Variants in PATL1 observed in about 807,000 individuals in gnomAD.
PATL1 encodes PAT1 homolog 1, processing body mRNA decay factor.
PATL1 carries 32 observed loss-of-function variants against 100.6 expected under a neutral mutation model. The observed-to-expected ratio is 0.32, with a 90% CI of 0.24 to 0.43. PATL1 has a LOEUF of 0.43. PATL1 is among the 20% of genes least tolerant of loss of function. The pLI, the probability that PATL1 is intolerant of heterozygous loss-of-function variation, is 1.00. For synonymous variants in PATL1, 332 were observed against 330.0 expected (o/e 1.01, Z -0.07); for missense variants, 747 against 949.9 (o/e 0.79, Z 2.81).
chr11:59,644,958 T>G (rs1861340353), intron 15 of PATL1, among the ~76,000 whole-genome samples: 1 of 144,860 alleles, frequency 6.9e-6, no homozygotes, highest in South Asian at 2.3e-4. Flanking sequence ...CTTAGAGGTG[T>G]TAAGAGTTCA....
chr11:59,646,836 A>G (rs1389774600), intron 15 of PATL1, among the ~76,000 whole-genome samples: 1 of 152,196 alleles, frequency 6.6e-6, no homozygotes, highest in Non-Finnish European at 1.5e-5. Flanking sequence ...AAGGATAAGG[A>G]GAGAAAAACT....
intron 3 of PATL1, 113 bp downstream of exon 3, chr11:59,659,139 T>C: frequency 9.8e-7 from 1 of 1,015,796 alleles, no homozygotes; most frequent in Non-Finnish European, 1.4e-6. Flanking sequence ...TTATCAATTT[T>C]CTATGGTATA....
chr11:59,649,394 G>T, intron 14 of PATL1, 68 bp downstream of exon 14: 1 of 1,548,052 alleles, frequency 6.5e-7, no homozygotes, highest in Non-Finnish European at 8.8e-7. Flanking sequence ...AGGCAAAAAT[G>T]TATGAAATCC....
chr11:59,665,806 T>C (rs915615253), intron 2 of PATL1, among the ~76,000 whole-genome samples: 5 of 151,924 alleles, frequency 3.3e-5, no homozygotes, highest in African/African-American at 1.2e-4. Flanking sequence ...TATGTGTATG[T>C]ATACAGTTTA....
chr11:59,664,170 A>C (rs754356363), intron 2 of PATL1, among the ~76,000 whole-genome samples: 10 of 152,202 alleles, frequency 6.6e-5, no homozygotes, highest in East Asian at 1.9e-4. Context: ...TTAACTTTGT[A>C]CTACCTGTTC....
At chr11:59,640,211 C>T (rs1161990925) in intron 16 of PATL1, among the ~76,000 whole-genome samples, 1 of 151,930 alleles carries the variant, frequency 6.6e-6, no homozygotes, top group African/African-American at 2.4e-5. Flanking sequence ...CACGGTGGCA[C>T]ATGCCTGTAA....
chr11:59,653,082 G>T, intron 9 of PATL1, 64 bp from the exon 10 acceptor site: 2 of 1,328,786 alleles, frequency 1.5e-6, no homozygotes, highest in Non-Finnish European at 2.0e-6. Flanking sequence ...AACAACAGAG[G>T]AATAAACCAG....
chr11:59,649,355 T>C, intron 14 of PATL1, 107 bp downstream of exon 14: 1 of 1,128,330 alleles, frequency 8.9e-7, no homozygotes, highest in Non-Finnish European at 1.2e-6. Context: ...ATTCTGAGCT[T>C]ACAGAGATGG....
chr11:59,667,906 T>C (rs1861713044), intron 1 of PATL1, among the ~76,000 whole-genome samples: 2 of 152,230 alleles, frequency 1.3e-5, no homozygotes, highest in Admixed American at 1.3e-4. Context: ...AAATTCAGAA[T>C]CAGAATTCCA....
chr11:59,644,064 T>C (rs1861327001), intron 15 of PATL1, among the ~76,000 whole-genome samples: 1 of 152,208 alleles, frequency 6.6e-6, no homozygotes, highest in South Asian at 2.1e-4. Context: ...GGGAATAAAA[T>C]ATTTTTTGTG....
At chr11:59,638,449 T>C (rs955680027) in intron 18 of PATL1, 38 bp from the exon 19 acceptor site, 18 of 1,576,052 alleles carry the variant, frequency 1.1e-5, no homozygotes, top group Non-Finnish European at 1.5e-5. Context: ...ATTGTATAAA[T>C]GAGTTAAAAC....
intron 13 of PATL1, among the ~76,000 whole-genome samples, chr11:59,650,193 TAAAG>T (rs1286805054): frequency 1.4e-5 from 2 of 144,070 alleles, no homozygotes; most frequent in African/African-American, 5.2e-5. Context: ...TTTTTACAGA[TAAAG>T]AAACTGAGGA....
intron 16 of PATL1, among the ~76,000 whole-genome samples, chr11:59,641,899 T>G (rs1026306133): frequency 6.6e-6 from 1 of 152,240 alleles, no homozygotes; most frequent in Non-Finnish European, 1.5e-5. Flanking sequence ...CTTCCTCTGA[T>G]ACACTGACCT....
In PATL1 at chr11:59,666,973, AAAG is replaced by A; in HGVS notation, c.16-12_16-10del. On this transcript the variant is annotated splice_polypyrimidine_tract_variant and intron_variant, in intron 1 of 18. Coordinates refer to ENST00000300146, the MANE Select transcript of PATL1 (RefSeq NM_152716.3). ...GGACAATCCTCCAAAGACTAAAAAAAAAGAAAAGACATTAGTTATTCATGAAAT... is the reference window on the plus strand; with the variant it reads ...GGACAATCCTCCAAAGACTAAAAAAAAAAAGACATTAGTTATTCATGAAAT... 1 of 1,537,396 alleles carries A rather than the reference AAAG, an allele frequency of 6.5e-7. No individual in the cohort carries two copies. Among genetic ancestry groups the A allele is most frequent in the South Asian group, 1.2e-5 (1 of 80,546 alleles).
chr11:59,655,440 T>C, intron 8 of PATL1, 83 bp downstream of exon 8: 2 of 1,234,500 alleles, frequency 1.6e-6, no homozygotes. Context: ...AGTTAGCAAA[T>C]ATCAAGAGAC....
chr11:59,642,779 C>G (rs1232880190), intron 16 of PATL1, 101 bp downstream of exon 16: 1 of 1,292,526 alleles, frequency 7.7e-7, no homozygotes, highest in Non-Finnish European at 1.1e-6. Flanking sequence ...CTGAAAGAAG[C>G]CTTTTTCCCA....
Position 59,638,314 on chromosome 11 carries a change from T to C in PATL1, c.*76A>G. On this transcript the variant is annotated 3_prime_UTR_variant, in exon 19 of 19. Transcript: ENST00000300146. Reference sequence around the variant, plus strand: ...GGAAAAAGCTACCTTCCTTCCCTCATTAAAAACACTCCATTGGTGATGGCA... The same window carrying C: ...GGAAAAAGCTACCTTCCTTCCCTCACTAAAAACACTCCATTGGTGATGGCA... The C allele has an allele frequency of 3.4e-6, 5 of 1,478,456 alleles. No individual in the cohort carries two copies. Among genetic ancestry groups the C allele is most frequent in the South Asian group, 1.2e-5 (1 of 85,634 alleles). The allele number at this position is 1,478,456 out of a possible 1,614,324, so 91.6% of individuals were successfully genotyped here. A position where few individuals can be genotyped will look rare whatever the true frequency, so the allele number is the denominator to read the frequency against.
chr11:59,644,890 C>CTTTTTTT (rs71036539), intron 15 of PATL1, among the ~76,000 whole-genome samples: 1 of 83,792 alleles, frequency 1.2e-5, no homozygotes, highest in Non-Finnish European at 2.1e-5. Flanking sequence ...ACTTCGTTTC[C>CTTTTTTT]TTTTTTTTTT....
Position 59,656,048 on chromosome 11 carries a change from A to G in PATL1, c.724-3T>C. ...GGGTGACCCAGGAGGGAAGAGTTCTAAGGTAAAAAAAAAAAAAAAAAAAAG... is the reference window on the plus strand; with the variant it reads ...GGGTGACCCAGGAGGGAAGAGTTCTGAGGTAAAAAAAAAAAAAAAAAAAAG... On this transcript the variant is annotated splice_region_variant and splice_polypyrimidine_tract_variant and intron_variant, in intron 6 of 18. Coordinates refer to ENST00000300146, the MANE Select transcript of PATL1 (RefSeq NM_152716.3). The G allele has an allele frequency of 8.0e-7, 1 of 1,245,188 alleles. No homozygotes were observed. Among genetic ancestry groups the G allele is most frequent in the Non-Finnish European group, 1.1e-6 (1 of 936,252 alleles). The allele number at this position is 1,245,188 out of a possible 1,614,324, so 77.1% of individuals were successfully genotyped here.
Sources: gnomAD v4.1 joint callset for allele counts (sites outside exome capture counted in the v4.1 genomes callset) on GRCh38, gnomAD v4.1.1 for gene constraint, MANE v1.5 for transcripts, NCBI Gene and HGNC (gene_info 2026-07-23, HGNC 2026-07-21) for gene names.